The following SLC25A23 variants were observed in gnomAD, a reference collection of about 807,000 sequenced individuals.
SLC25A23 encodes the protein mitochondrial adenyl nucleotide antiporter SLC25A23.
Under a neutral mutation model 53.9 loss-of-function variants are expected in SLC25A23, and 32 were observed. That is an observed-to-expected ratio of 0.59 (90% confidence interval 0.45 to 0.80). The LOEUF (loss-of-function observed/expected upper bound fraction) is 0.80, where lower values mean the gene tolerates loss of function less well. Among genes scored for constraint, SLC25A23 ranks in the 30% least tolerant of loss-of-function variants. SLC25A23 has a pLI of 0.00. For synonymous variants in SLC25A23, 275 were observed against 264.5 expected (o/e 1.04, Z -0.38); for missense variants, 575 against 651.4 (o/e 0.88, Z 1.28).
intron 3 of SLC25A23, 123 bp from the exon 4 acceptor site, chr19:6,456,654 A>G (rs987858076): frequency 3.1e-6 from 2 of 645,338 alleles, no homozygotes; most frequent in Non-Finnish European, 5.5e-6. Context: ...ACCCTATTAG[A>G]GATGTAGCAA....
At chr19:6,452,606 C>T (rs767026120) in intron 7 of SLC25A23, 127 bp from the exon 8 acceptor site, 45 of 1,153,166 alleles carry the variant, frequency 3.9e-5, no homozygotes, top group Non-Finnish European at 5.0e-5. Flanking sequence ...TTAAAAACCA[C>T]CTACTCTAGA....
chr19:6,439,383 T>C (rs1242739198), downstream of SLC25A23, among the ~76,000 whole-genome samples: 2 of 46,750 alleles, frequency 4.3e-5, no homozygotes. Context: ...AGTGAGATCC[T>C]ATCTCTCTCT....
At position 6,459,031 on chromosome 19, in the gene SLC25A23, G is replaced by C. The variant is rs1381338555; in HGVS notation, c.156+442C>G. Among the ~76,000 whole-genome samples the C allele has an allele frequency of 6.6e-6, 1 of 152,224 alleles. No individual in the cohort carries two copies. The highest frequency in any genetic ancestry group is 2.4e-5 in the African/African-American group (1 of 41,464). On this transcript the variant is annotated intron_variant, in intron 1 of 9. Coordinates refer to ENST00000301454, the MANE Select transcript of SLC25A23 (RefSeq NM_024103.3). The surrounding 1 kb of genome is among the most constrained non-coding windows in gnomAD (Gnocchi z 4.6). ...GGGACAGTGAGCCAGGCCCGTGAAC[G>C]GCCCATGAAAGGGCAGGCCAGGGAA... is the stretch of plus-strand genomic sequence containing the variant.
intron 3 of SLC25A23, among the ~76,000 whole-genome samples, chr19:6,457,236 T>C: frequency 6.6e-6 from 1 of 151,444 alleles, no homozygotes; most frequent in East Asian, 1.9e-4. Flanking sequence ...CTGGCCAATG[T>C]TTGTATTTTT....
intron 7 of SLC25A23, 56 bp from the exon 8 acceptor site, chr19:6,452,535 G>T: frequency 6.5e-7 from 1 of 1,547,536 alleles, no homozygotes; most frequent in Non-Finnish European, 8.7e-7. Flanking sequence ...GCTACATCCA[G>T]GAATGAAGAC....
chr19:6,456,155 C>T (rs758288070), intron 4 of SLC25A23: 79 of 1,408,714 alleles, frequency 5.6e-5, no homozygotes, highest in Admixed American at 4.7e-4. Flanking sequence ...TCCCTGTACC[C>T]GCAACCCCCA....
chr19:6,458,867 C>T (rs909549097), intron 1 of SLC25A23, among the ~76,000 whole-genome samples: 2 of 152,142 alleles, frequency 1.3e-5, no homozygotes, highest in African/African-American at 2.4e-5. Flanking sequence ...CTGTGGTTCT[C>T]TTAGAGCGAT....
chr19:6,444,153 T>C lies in SLC25A23; in HGVS notation c.1220A>G (p.Gln407Arg). 6.3e-7 allele frequency: 1 copy of C among 1,578,566 alleles called. No individual in the cohort carries two copies. The highest frequency in any genetic ancestry group is 8.6e-7 in the Non-Finnish European group (1 of 1,159,578). The change falls in exon 9 of 10, where the codon CAA becomes CGA. Residue 407 changes from glutamine (Q) to arginine (R), a missense_variant and splice_region_variant. Gln to Arg is a conservative substitution (Grantham distance 43, BLOSUM62 1). Transcript: ENST00000301454. Reference sequence around the variant, plus strand: ...CCATCCTCCCGCCCAGGCCTCACCTTGTGCCTGCATGCGGGTCCGGACCAG... The same window carrying C: ...CCATCCTCCCGCCCAGGCCTCACCTCGTGCCTGCATGCGGGTCCGGACCAG... The part of the protein sequence containing the change: ...LALVRTRMQA[Q>R]ASIEGGPQLS...
At chr19:6,453,905 T>C in intron 7 of SLC25A23, 76 bp downstream of exon 7, 1 of 1,196,920 alleles carries the variant, frequency 8.4e-7, no homozygotes, top group Non-Finnish European at 1.2e-6. Flanking sequence ...ATGGATATTG[T>C]GAAATGCAGA....
In SLC25A23 at chr19:6,459,282, G is replaced by T. The variant is rs1042393977; in HGVS notation, c.156+191C>A. Among the ~76,000 whole-genome samples, 2 of 152,178 alleles carry T rather than the reference G, an allele frequency of 1.3e-5. No individual in the cohort carries two copies. Among genetic ancestry groups the T allele is most frequent in the African/African-American group, 4.8e-5 (2 of 41,454 alleles). ...TTGGCCGCGGAACTGCAGGCTTGGG[G>T]CCTCGGCGTCCCTGTCTTGAGCGAT... On this transcript the variant is annotated intron_variant, in intron 1 of 9. Coordinates refer to ENST00000301454, the MANE Select transcript of SLC25A23 (RefSeq NM_024103.3). This position sits in a 1 kb window ranked among gnomAD's most constrained non-coding sequence, Gnocchi z 4.6.
intron 4 of SLC25A23, chr19:6,456,025 G>C (rs547648079): frequency 7.7e-7 from 1 of 1,303,318 alleles, no homozygotes; most frequent in Non-Finnish European, 1.0e-6. Context: ...GGCCAAGACC[G>C]TGGTTTTTGA....
chr19:6,453,877 G>C, intron 7 of SLC25A23, 104 bp downstream of exon 7: 2 of 923,160 alleles, frequency 2.2e-6, no homozygotes, highest in Middle Eastern at 2.2e-4. Context: ...ATCAGAGAGG[G>C]ACAAAGGTAA....
chr19:6,450,880 G>A (rs1022023338), intron 8 of SLC25A23, among the ~76,000 whole-genome samples: 12 of 152,112 alleles, frequency 7.9e-5, no homozygotes, highest in Non-Finnish European at 1.8e-4. Context: ...AGGAGTTTGA[G>A]ACCAGCCTGG....
At chr19:6,443,443 GT>G (rs1291456135) in intron 9 of SLC25A23, 11 of 564,254 alleles carry the variant, frequency 1.9e-5, no homozygotes, top group Non-Finnish European at 3.1e-5. Context: ...GCCCGGGCTG[GT>G]CTCAAACTCC....
At chr19:6,443,718 C>T (rs372982974) in intron 9 of SLC25A23, 1 of 678,658 alleles carries the variant, frequency 1.5e-6, no homozygotes, top group Non-Finnish European at 2.7e-6. Flanking sequence ...AAAACAGATT[C>T]AGGGAGAATG....
At chr19:6,456,306 T>C in intron 4 of SLC25A23, 114 bp downstream of exon 4, 1 of 1,110,162 alleles carries the variant, frequency 9.0e-7, no homozygotes. Context: ...TGCCAGTGCC[T>C]TCTCCTTCTG....
intron 8 of SLC25A23, among the ~76,000 whole-genome samples, chr19:6,446,103 C>T (rs2092500521): frequency 6.6e-6 from 1 of 151,724 alleles, no homozygotes; most frequent in East Asian, 1.9e-4. Context: ...CGTCCTCACA[C>T]TGGTAATCCC....
intron 7 of SLC25A23, 41 bp downstream of exon 7, chr19:6,453,940 C>A (rs2092633429): frequency 5.3e-6 from 8 of 1,514,944 alleles, no homozygotes; most frequent in African/African-American, 4.1e-5. Context: ...GCAGGCCCCC[C>A]ACCCTGCCAT....
At chr19:6,456,900 C>G (rs348368) in intron 3 of SLC25A23, among the ~76,000 whole-genome samples, 80,397 of 151,582 alleles carry the variant, frequency 0.53, 22,395 homozygotes, top group African/African-American at 0.66. Context: ...GGATGGTCTC[C>G]ATCTCTTGAC....
Sources: allele counts gnomAD v4.1 joint callset (sites outside exome capture counted in the v4.1 genomes callset), GRCh38; gene constraint gnomAD v4.1.1; non-coding constraint Gnocchi (gnomAD v3.1); transcripts MANE v1.5; gene names NCBI Gene and HGNC (gene_info 2026-07-23, HGNC 2026-07-21).